Variants in C1orf87 observed in about 807,000 individuals in gnomAD.
C1orf87 encodes the protein chromosome 1 open reading frame 87.
A neutral mutation model predicts 60.5 loss-of-function variants in C1orf87; 58 were observed. That is an observed-to-expected ratio of 0.96 (90% CI 0.78 to 1.19). The LOEUF (loss-of-function observed/expected upper bound fraction) is 1.19, where lower values mean the gene tolerates loss of function less well. C1orf87 is among the 50% of genes most tolerant of loss of function. The pLI is 0.00. For synonymous variants in C1orf87, 236 were observed against 227.4 expected (o/e 1.04, Z -0.34); for missense variants, 673 against 638.6 (o/e 1.05, Z -0.58).
At chr1:60,040,828 A>G (rs1374025252) in intron 4 of C1orf87, among the ~76,000 whole-genome samples, 163 bp downstream of exon 4, 1 of 150,534 alleles carries the variant, frequency 6.6e-6, no homozygotes, top group Non-Finnish European at 1.5e-5. Context: ...TCTGGCTTCA[A>G]GTGATCCTCC....
At chr1:60,007,531 A>C (rs1645055028) in intron 9 of C1orf87, among the ~76,000 whole-genome samples, 1 of 152,068 alleles carries the variant, frequency 6.6e-6, no homozygotes, top group African/African-American at 2.4e-5. Context: ...GAAGCTGGAC[A>C]TATTGTATGA....
chr1:60,055,554 G>T, intron 2 of C1orf87, 116 bp from the exon 3 acceptor site: 2 of 770,920 alleles, frequency 2.6e-6, no homozygotes, highest in Non-Finnish European at 4.3e-6. Flanking sequence ...CAGCACAGTG[G>T]AATGTGGAAG....
intron 11 of C1orf87, among the ~76,000 whole-genome samples, chr1:59,992,472 C>G (rs1011456926): frequency 1.1e-4 from 16 of 152,068 alleles, no homozygotes; most frequent in South Asian, 4.2e-4. Flanking sequence ...CCAGACTGGT[C>G]TGGAACTCCT....
intron 3 of C1orf87, among the ~76,000 whole-genome samples, chr1:60,046,830 T>C (rs1001277655): frequency 6.6e-6 from 1 of 152,234 alleles, no homozygotes; most frequent in Non-Finnish European, 1.5e-5. Flanking sequence ...TTGTCTGAAC[T>C]GTAGAGTTTT....
intron 11 of C1orf87, among the ~76,000 whole-genome samples, chr1:59,992,062 G>A (rs1489200520): frequency 6.6e-6 from 1 of 151,962 alleles, no homozygotes; most frequent in Non-Finnish European, 1.5e-5. Flanking sequence ...TCCAGGAACT[G>A]CTCCAAGCAT....
intron 3 of C1orf87, among the ~76,000 whole-genome samples, chr1:60,041,733 C>T (rs958437250): frequency 6.6e-6 from 1 of 152,168 alleles, no homozygotes; most frequent in Non-Finnish European, 1.5e-5. Context: ...GCTGGGGGGA[C>T]TGCCCCTCCC....
intron 8 of C1orf87, among the ~76,000 whole-genome samples, chr1:60,022,421 G>A (rs1232876904): frequency 6.6e-6 from 1 of 152,070 alleles, no homozygotes; most frequent in African/African-American, 2.4e-5. Context: ...TTTCAAAGCA[G>A]AAAGTACCAG....
At chr1:59,999,338 G>T (rs971319235) in intron 10 of C1orf87, among the ~76,000 whole-genome samples, 5 of 152,258 alleles carry the variant, frequency 3.3e-5, no homozygotes, top group African/African-American at 1.2e-4. Flanking sequence ...AAAGCAGAAA[G>T]TTTTCATATA....
intron 6 of C1orf87, 131 bp from the exon 7 acceptor site, chr1:60,033,772 A>G (rs1177288762): frequency 3.1e-6 from 3 of 964,160 alleles, no homozygotes; most frequent in Non-Finnish European, 4.5e-6. Flanking sequence ...AGGCCCTCTC[A>G]GTCTTGGGAA....
intron 5 of C1orf87, among the ~76,000 whole-genome samples, chr1:60,038,695 CAGCAGATATATTTAGATAGATTG>C (rs1199720528): frequency 6.6e-6 from 1 of 152,102 alleles, no homozygotes; most frequent in African/African-American, 2.4e-5. Flanking sequence ...ATGATGTATT[CAGCAGATATATTTAGATAGATTG>C]AGCAGATATA....
At chr1:60,064,991 A>T (rs1315729450) in intron 2 of C1orf87, among the ~76,000 whole-genome samples, 2 of 17,210 alleles carry the variant, frequency 1.2e-4, no homozygotes, top group African/African-American at 2.0e-4. Context: ...ATTATAAAAT[A>T]CATATAAATA....
chr1:60,023,356 C>T (rs1381583468), intron 8 of C1orf87, among the ~76,000 whole-genome samples: 1 of 152,076 alleles, frequency 6.6e-6, no homozygotes, highest in East Asian at 1.9e-4. Context: ...TCACAAGGCC[C>T]AGTGATGCTC....
At chr1:60,002,982 A>G in intron 9 of C1orf87, among the ~76,000 whole-genome samples, 1 of 151,890 alleles carries the variant, frequency 6.6e-6, no homozygotes, top group African/African-American at 2.4e-5. Context: ...TATATACCCG[A>G]AGGACTATGA....
intron 7 of C1orf87, 41 bp from the exon 8 acceptor site, chr1:60,025,539 T>A: frequency 7.0e-7 from 1 of 1,436,138 alleles, no homozygotes; most frequent in Non-Finnish European, 9.6e-7. Context: ...GATGTTTCAC[T>A]AGGATACAAA....
At chr1:60,029,788 G>A (rs943766292) in intron 7 of C1orf87, among the ~76,000 whole-genome samples, 6 of 151,800 alleles carry the variant, frequency 4.0e-5, no homozygotes, top group African/African-American at 1.5e-4. Context: ...CTACAGGCAT[G>A]CGCCACCATG....
chr1:60,040,311 G>T, intron 4 of C1orf87, 131 bp from the exon 5 acceptor site: 2 of 1,145,264 alleles, frequency 1.7e-6, no homozygotes, highest in South Asian at 3.1e-5. Context: ...AGCAGGACAA[G>T]TCTGTGGCAC....
intron 8 of C1orf87, among the ~76,000 whole-genome samples, chr1:60,018,787 T>G (rs1645140847): frequency 6.6e-6 from 1 of 152,212 alleles, no homozygotes. Flanking sequence ...AAGCTCAATA[T>G]CATAACCTCA....
At chr1:60,035,981 C>T (rs601724) in intron 6 of C1orf87, among the ~76,000 whole-genome samples, 46,996 of 152,044 alleles carry the variant, frequency 0.31, 7,621 homozygotes, top group South Asian at 0.47. Flanking sequence ...AGACCTTACA[C>T]GCCAGGGATT....
chr1:60,045,276 A>C (rs1645358161), intron 3 of C1orf87, among the ~76,000 whole-genome samples: 1 of 152,202 alleles, frequency 6.6e-6, no homozygotes, highest in South Asian at 2.1e-4. Context: ...CAGCCATGAG[A>C]AACATTAAGT....
Sources: gnomAD v4.1 joint callset for allele counts (sites outside exome capture counted in the v4.1 genomes callset) on GRCh38, gnomAD v4.1.1 for gene constraint, MANE v1.5 for transcripts, NCBI Gene and HGNC (gene_info 2026-07-23, HGNC 2026-07-21) for gene names.